Variants in ROS1 observed in about 807,000 individuals in gnomAD.
The protein encoded by ROS1 is ROS proto-oncogene 1, receptor tyrosine kinase.
ROS1 carries 263 observed loss-of-function variants against 273.5 expected under a neutral mutation model. The ratio of observed to expected loss-of-function variants is 0.96; its 90% CI spans 0.87 to 1.06. The LOEUF (loss-of-function observed/expected upper bound fraction) is 1.06, where lower values mean the gene tolerates loss of function less well. Among genes scored for constraint, ROS1 ranks in the 50% least tolerant of loss-of-function variants. ROS1 has a pLI of 0.00. For missense variants in ROS1, 2,833 were observed against 2,751.1 expected (o/e 1.03, Z -0.67); for synonymous variants, 1,008 against 954.1 (o/e 1.06, Z -1.04).
At chr6:117,385,973 C>T in intron 15 of ROS1, 112 bp from the exon 16 acceptor site, 1 of 777,084 alleles carries the variant, frequency 1.3e-6, no homozygotes, top group East Asian at 2.6e-5. Flanking sequence ...CACACTGACA[C>T]ATATTCACTA....
At position 117,321,275 on chromosome 6, in the gene ROS1, C is replaced by T. The variant is rs2128563230; in HGVS notation, c.5743G>A (p.Ala1915Thr). 1 of 1,613,752 alleles carries T rather than the reference C, an allele frequency of 6.2e-7. No homozygotes were observed. The highest frequency in any genetic ancestry group is 1.3e-5 in the African/African-American group (1 of 75,014). ...GLAAGVGLAN[A>T]CYAIHTLPTQ... Reference sequence around the variant, plus strand: ...GCTACATACTGTATTGCATAGCAGGCATTAGCCAGGCCTACTCCGGCTGCC... The same window carrying T: ...GCTACATACTGTATTGCATAGCAGGTATTAGCCAGGCCTACTCCGGCTGCC... Residue 1915 changes from alanine (A) to threonine (T), a missense_variant, in exon 36 of 44, where the codon GCC (alanine) becomes ACC (threonine). Coordinates refer to ENST00000368507, the MANE Select transcript of ROS1 (RefSeq NM_001378902.1).
At chr6:117,401,244 T>C (rs1773905942) in intron 7 of ROS1, among the ~76,000 whole-genome samples, 1 of 152,166 alleles carries the variant, frequency 6.6e-6, no homozygotes, top group African/African-American at 2.4e-5. Context: ...CCAGCTTCCC[T>C]GGCCCTCCTT....
At chr6:117,352,142 G>A (rs148881177) in intron 27 of ROS1, among the ~76,000 whole-genome samples, 115 of 152,184 alleles carry the variant, frequency 7.6e-4, no homozygotes, top group East Asian at 6.8e-3. Flanking sequence ...GAGCAGTGGC[G>A]CAATCTGGGC....
chr6:117,341,711 A>C, intron 29 of ROS1, 79 bp from the exon 30 acceptor site: 1 of 1,036,030 alleles, frequency 9.7e-7, no homozygotes, highest in Non-Finnish European at 1.5e-6. Context: ...GTTTGGGTTG[A>C]AGAGTAATCA....
At chr6:117,309,038 G>GT in intron 41 of ROS1, 110 bp from the exon 42 acceptor site, 1 of 1,046,096 alleles carries the variant, frequency 9.6e-7, no homozygotes, top group Admixed American at 2.5e-5. Context: ...CTTTGTCAGT[G>GT]TATTATTGGC....
intron 42 of ROS1, among the ~76,000 whole-genome samples, chr6:117,303,260 A>G (rs560767493): frequency 2.6e-5 from 4 of 152,348 alleles, no homozygotes; most frequent in African/African-American, 9.6e-5. Context: ...TTAAAATATT[A>G]GTACTACTAT....
chr6:117,393,050 A>G (rs1773193197), intron 12 of ROS1, among the ~76,000 whole-genome samples, 174 bp downstream of exon 12: 1 of 152,188 alleles, frequency 6.6e-6, no homozygotes, highest in Non-Finnish European at 1.5e-5. Context: ...TTGAAAAAAC[A>G]TTCCCTCCTG....
intron 1 of ROS1, among the ~76,000 whole-genome samples, chr6:117,418,894 A>G (rs1463737321): frequency 6.6e-6 from 1 of 152,222 alleles, no homozygotes; most frequent in Non-Finnish European, 1.5e-5. Flanking sequence ...GCAAATTGGT[A>G]TGTAGTAAAA....
intron 43 of ROS1, among the ~76,000 whole-genome samples, chr6:117,289,634 A>G (rs1323875314): frequency 6.6e-6 from 1 of 152,218 alleles, no homozygotes. Flanking sequence ...GCTGAAGAAC[A>G]AGATAGCCAA....
rs748351315 is a variant in ROS1, at chr6:117,321,245, C to T, written c.5759+14G>A. 7 of 1,609,346 alleles carry T rather than the reference C, an allele frequency of 4.3e-6. No homozygotes were observed. Among genetic ancestry groups the T allele is most frequent in the South Asian group, 1.1e-5 (1 of 90,090 alleles). On this transcript the variant is annotated intron_variant, in intron 36 of 43. Coordinates refer to ENST00000368507, the MANE Select transcript of ROS1 (RefSeq NM_001378902.1). ...TTGCCTAGGTGCTCCATAATGATGG[C>T]CAAAGCTACATACTGTATTGCATAG...
At chr6:117,296,775 T>C (rs1325536709) in intron 43 of ROS1, among the ~76,000 whole-genome samples, 1 of 152,130 alleles carries the variant, frequency 6.6e-6, no homozygotes, top group African/African-American at 2.4e-5. Flanking sequence ...AATAATAATT[T>C]AATTGTACAT....
intron 23 of ROS1, 75 bp downstream of exon 23, chr6:117,360,267 C>T: frequency 1.0e-6 from 1 of 979,050 alleles, no homozygotes; most frequent in Non-Finnish European, 1.5e-6. Flanking sequence ...CTAAAGACAC[C>T]AATGGGACAC....
intron 33 of ROS1, among the ~76,000 whole-genome samples, chr6:117,328,117 A>G (rs1490663652): frequency 6.6e-6 from 1 of 152,066 alleles, no homozygotes; most frequent in African/African-American, 2.4e-5. Flanking sequence ...GGCTTGTTCA[A>G]CTCCCAAGTT....
At chr6:117,378,028 C>T (rs552804555) in intron 18 of ROS1, among the ~76,000 whole-genome samples, 1 of 152,240 alleles carries the variant, frequency 6.6e-6, no homozygotes, top group South Asian at 2.1e-4. Flanking sequence ...TTGTCAAAGC[C>T]AACTGTTGAG....
At chr6:117,314,974 A>G (rs1313003029) in intron 39 of ROS1, among the ~76,000 whole-genome samples, 1 of 152,194 alleles carries the variant, frequency 6.6e-6, no homozygotes, top group Non-Finnish European at 1.5e-5. Flanking sequence ...TCAGATTCCA[A>G]AACAAAGAGG....
At chr6:117,403,865 A>C (rs540687680) in intron 6 of ROS1, among the ~76,000 whole-genome samples, 2 of 138,968 alleles carry the variant, frequency 1.4e-5, no homozygotes, top group African/African-American at 5.9e-5. Flanking sequence ...ATTAAAGTTC[A>C]TCTGAACCCA....
At position 117,404,488 on chromosome 6, in the gene ROS1, T is replaced by C. The variant is rs141692130; in HGVS notation, c.317-60A>G. The C allele has an allele frequency of 7.5e-5, 112 of 1,487,838 alleles. No individual in the cohort carries two copies. In the African/African-American group the frequency reaches 1.3e-3, roughly 17 times the overall value. 92.2% of individuals were successfully genotyped at this position (1,487,838 alleles called of 1,614,324 possible). On this transcript the variant is annotated intron_variant, in intron 5 of 43. Transcript: ENST00000368507. The stretch of plus-strand genomic sequence containing the variant: ...TCCTGTCCATCAGCGCAAGAGAGTG[T>C]GTGCCTCTCTCATCTAGGGCTCTCC...
At chr6:117,411,218 A>C (rs1774876456) in intron 4 of ROS1, among the ~76,000 whole-genome samples, 1 of 102,312 alleles carries the variant, frequency 9.8e-6, no homozygotes, top group Non-Finnish European at 2.0e-5. Context: ...TCCTTCTCTC[A>C]ATCTCTCTCT....
rs996895553 is a variant in ROS1, at chr6:117,308,667, G to T, written c.6551+127C>A. The T allele has an allele frequency of 1.1e-5, 9 of 785,912 alleles. No homozygotes were observed. In the African/African-American group the frequency reaches 1.6e-4, roughly 14 times the overall value. The allele number at this position is 785,912 out of a possible 1,614,324, so 48.7% of individuals were successfully genotyped here. A position where few individuals can be genotyped will look rare whatever the true frequency, so the allele number is the denominator to read the frequency against. Reference sequence around the variant, plus strand: ...TTGACACAATGAATTGATATTTTATGTGGGGTATACAATATTTAAGTTCCA... The same window carrying T: ...TTGACACAATGAATTGATATTTTATTTGGGGTATACAATATTTAAGTTCCA... On this transcript the variant is annotated intron_variant, in intron 42 of 43. Coordinates refer to ENST00000368507, the MANE Select transcript of ROS1 (RefSeq NM_001378902.1).
Sources: gnomAD v4.1 joint callset for allele counts (sites outside exome capture counted in the v4.1 genomes callset) on GRCh38, gnomAD v4.1.1 for gene constraint, MANE v1.5 for transcripts, NCBI Gene and HGNC (gene_info 2026-07-23, HGNC 2026-07-21) for gene names.